The following FHIT variants were observed in gnomAD, a reference collection of about 807,000 sequenced individuals.
The protein encoded by FHIT is fragile histidine triad diadenosine triphosphatase, also known as bis(5'-adenosyl)-triphosphatase.
FHIT carries 19 observed loss-of-function variants against 17.9 expected under a neutral mutation model. The ratio of observed to expected loss-of-function variants is 1.06; its 90% CI spans 0.74 to 1.56. The LOEUF (loss-of-function observed/expected upper bound fraction) is 1.56. Ranked by LOEUF, FHIT falls within the 40% of genes most tolerant of loss-of-function variation. The pLI is 0.00. For missense variants in FHIT, 248 were observed against 189.2 expected (o/e 1.31, Z -1.82); for synonymous variants, 81 against 69.7 (o/e 1.16, Z -0.81).
chr3:60,989,889 G>A (rs764974265), intron 3 of FHIT, among the ~76,000 whole-genome samples: 12 of 152,190 alleles, frequency 7.9e-5, no homozygotes, highest in Non-Finnish European at 1.0e-4. Flanking sequence ...GCCTGAGGTG[G>A]AAGGAAGAGA....
At chr3:61,105,207 T>C in intron 2 of FHIT, among the ~76,000 whole-genome samples, 1 of 152,030 alleles carries the variant, frequency 6.6e-6, no homozygotes, top group African/African-American at 2.4e-5. Flanking sequence ...CTTATCTACC[T>C]TTAATCTTTG....
At chr3:60,529,099 G>C (rs2035677336) in intron 5 of FHIT, among the ~76,000 whole-genome samples, 1 of 152,176 alleles carries the variant, frequency 6.6e-6, no homozygotes, top group Non-Finnish European at 1.5e-5. Flanking sequence ...ATCTGGTATT[G>C]TAGAGGTTTT....
At chr3:60,959,499 C>T (rs1296642424) in intron 3 of FHIT, among the ~76,000 whole-genome samples, 1 of 152,154 alleles carries the variant, frequency 6.6e-6, no homozygotes, top group Non-Finnish European at 1.5e-5. Flanking sequence ...TTTCTGAACA[C>T]CCAGAGCTCA....
At chr3:60,553,478 A>AT (rs1373523112) in intron 4 of FHIT, 1 of 263,680 alleles carries the variant, frequency 3.8e-6, no homozygotes, top group Admixed American at 7.3e-5. Flanking sequence ...TATTTTATAT[A>AT]TAAAAATTAT....
At chr3:60,815,940 C>T (rs2594155) in intron 4 of FHIT, among the ~76,000 whole-genome samples, 78,464 of 151,824 alleles carry the variant, frequency 0.52, 21,109 homozygotes, top group East Asian at 0.84. Context: ...CTTGTAGATA[C>T]ATTTCATCTC....
chr3:61,016,750 T>C (rs937978219), intron 3 of FHIT, among the ~76,000 whole-genome samples: 1 of 152,250 alleles, frequency 6.6e-6, no homozygotes, highest in Non-Finnish European at 1.5e-5. Flanking sequence ...CCAGAGCATG[T>C]GAACTTTATG....
chr3:60,533,823 A>G (rs1269106146), intron 5 of FHIT, among the ~76,000 whole-genome samples: 3 of 152,186 alleles, frequency 2.0e-5, no homozygotes, highest in South Asian at 2.1e-4. Context: ...TCCTCAAAAA[A>G]CAGACATTCC....
chr3:60,125,034 A>C (rs1705478116), intron 5 of FHIT, among the ~76,000 whole-genome samples: 1 of 152,212 alleles, frequency 6.6e-6, no homozygotes, highest in Admixed American at 6.5e-5. Context: ...TATAGCTGAA[A>C]CAATCTACAA....
At chr3:60,295,337 C>T (rs1708159480) in intron 5 of FHIT, among the ~76,000 whole-genome samples, 1 of 152,058 alleles carries the variant, frequency 6.6e-6, no homozygotes, top group Non-Finnish European at 1.5e-5. Flanking sequence ...CACGGTTCTG[C>T]AGGGTTTACA....
At position 61,152,707 on chromosome 3, in the gene FHIT, C is replaced by T. The variant is rs114203735; in HGVS notation, c.-164+47910G>A. ...TTGTCTTAAAAGCAATGAAAAGCCA[C>T]GAAAGGACTTCAAACAGAGGAATGA... On this transcript the variant is annotated intron_variant, in intron 2 of 9. Coordinates refer to ENST00000492590, the MANE Select transcript of FHIT (RefSeq NM_002012.4). 2.1e-3 allele frequency among the ~76,000 whole-genome samples: 318 copies of T among 152,024 alleles called. 4 individuals are homozygous for T. The highest frequency in any genetic ancestry group is 7.3e-3 in the African/African-American group (303 of 41,464).
chr3:60,190,477 G>A (rs556465502), intron 5 of FHIT, among the ~76,000 whole-genome samples: 27 of 152,188 alleles, frequency 1.8e-4, no homozygotes, highest in South Asian at 1.0e-3. Flanking sequence ...GGCTGGGCAC[G>A]GTGGCTCACA....
chr3:60,213,609 C>G (rs543719590), intron 5 of FHIT, among the ~76,000 whole-genome samples: 3 of 152,238 alleles, frequency 2.0e-5, no homozygotes, highest in Non-Finnish European at 4.4e-5. Context: ...TATTTTTCCT[C>G]CAAGGGCATG....
chr3:61,094,146 A>G (rs1212176561), intron 2 of FHIT, among the ~76,000 whole-genome samples: 5 of 132,926 alleles, frequency 3.8e-5, no homozygotes, highest in African/African-American at 6.8e-5. Context: ...GTGTGTGTGT[A>G]TTTTTCTCTG....
chr3:59,881,784 A>G lies in FHIT; in HGVS notation c.348+40562T>C, dbSNP rs187870602. On this transcript the variant is annotated intron_variant, in intron 8 of 9. Coordinates refer to ENST00000492590, the MANE Select transcript of FHIT (RefSeq NM_002012.4). ...AAAGATCTTTGCCTGGTTATGGTCTAAAGATATTTGCTTTGATTAATATAT... is the reference window on the plus strand; with the variant it reads ...AAAGATCTTTGCCTGGTTATGGTCTGAAGATATTTGCTTTGATTAATATAT... Among the ~76,000 whole-genome samples the G allele has an allele frequency of 3.3e-5, 5 of 152,322 alleles. No individual in the cohort carries two copies. The East Asian group carries it at 9.6e-4, about 29-fold the overall frequency.
chr3:60,251,448 G>GA (rs1191885627), intron 5 of FHIT, among the ~76,000 whole-genome samples: 1 of 152,122 alleles, frequency 6.6e-6, no homozygotes, highest in African/African-American at 2.4e-5. Flanking sequence ...AAAGAAGAGG[G>GA]AAAAATAATT....
At chr3:61,005,947 A>T (rs1559903586) in intron 3 of FHIT, among the ~76,000 whole-genome samples, 1 of 151,944 alleles carries the variant, frequency 6.6e-6, no homozygotes, top group Non-Finnish European at 1.5e-5. Flanking sequence ...CACTCCACTC[A>T]TCTACACAGT....
At chr3:59,934,727 G>A (rs1442376887) in intron 7 of FHIT, among the ~76,000 whole-genome samples, 2 of 152,062 alleles carry the variant, frequency 1.3e-5, no homozygotes, top group African/African-American at 4.8e-5. Flanking sequence ...TCACATGGGG[G>A]CAGCAAGGAG....
intron 8 of FHIT, among the ~76,000 whole-genome samples, chr3:59,817,953 G>C (rs938839363): frequency 6.6e-6 from 1 of 152,108 alleles, no homozygotes; most frequent in Non-Finnish European, 1.5e-5. Flanking sequence ...CGAGAGGCTG[G>C]GGGGAAGAAA....
At chr3:61,186,080 A>G (rs2038499018) in intron 2 of FHIT, among the ~76,000 whole-genome samples, 1 of 152,218 alleles carries the variant, frequency 6.6e-6, no homozygotes, top group African/African-American at 2.4e-5. Context: ...CAATTTTGTT[A>G]TTATCACCAT....
Sources: gnomAD v4.1 joint callset for allele counts (sites outside exome capture counted in the v4.1 genomes callset) on GRCh38, gnomAD v4.1.1 for gene constraint, MANE v1.5 for transcripts, NCBI Gene and HGNC (gene_info 2026-07-23, HGNC 2026-07-21) for gene names.